Variants in TPRG1 observed in about 807,000 individuals in gnomAD.
The protein encoded by TPRG1 is tumor protein p63 regulated 1, also known as tumor protein p63-regulated gene 1 protein.
A neutral mutation model predicts 29.3 loss-of-function variants in TPRG1; 29 were observed. The ratio of observed to expected loss-of-function variants is 0.99; its 90% CI spans 0.74 to 1.35. The LOEUF (loss-of-function observed/expected upper bound fraction) is 1.35, where lower values mean the gene tolerates loss of function less well. Among genes scored for constraint, TPRG1 ranks in the 40% most tolerant of loss-of-function variants. The pLI is 0.00. For synonymous variants in TPRG1, 130 were observed against 116.8 expected (o/e 1.11, Z -0.73); for missense variants, 327 against 335.0 (o/e 0.98, Z 0.19).
intron 4 of TPRG1, among the ~76,000 whole-genome samples, chr3:189,270,150 T>C (rs1266381711): frequency 6.6e-6 from 1 of 151,966 alleles, no homozygotes; most frequent in East Asian, 1.9e-4. Flanking sequence ...AAAATTGCTT[T>C]CTGGCTACTT....
At chr3:189,258,336 G>A (rs1457514859) in intron 4 of TPRG1, among the ~76,000 whole-genome samples, 2 of 152,080 alleles carry the variant, frequency 1.3e-5, no homozygotes, top group African/African-American at 2.4e-5. Flanking sequence ...AGCAGAGGGT[G>A]CAGAACAGCT....
intron 4 of TPRG1, among the ~76,000 whole-genome samples, chr3:189,066,134 C>T (rs1288954191): frequency 6.6e-6 from 1 of 152,026 alleles, no homozygotes; most frequent in Admixed American, 6.6e-5. Context: ...AAATGCAAAA[C>T]CTGAATAGAT....
chr3:189,182,137 G>C (rs192356715), intron 1 of TPRG1, among the ~76,000 whole-genome samples: 17 of 152,310 alleles, frequency 1.1e-4, no homozygotes, highest in African/African-American at 4.1e-4. Flanking sequence ...GATTTGGGTG[G>C]AGACACAGAC....
intron 3 of TPRG1, among the ~76,000 whole-genome samples, chr3:189,229,573 A>G (rs2108898750): frequency 6.6e-6 from 1 of 152,342 alleles, no homozygotes; most frequent in Middle Eastern, 3.4e-3. Flanking sequence ...GGACTAAGTA[A>G]ATGATTAAAG....
At chr3:189,176,659 T>C (rs1471234413) in intron 1 of TPRG1, among the ~76,000 whole-genome samples, 1 of 152,140 alleles carries the variant, frequency 6.6e-6, no homozygotes, top group African/African-American at 2.4e-5. Context: ...CTTAAGGATA[T>C]GAAGGAGTCA....
chr3:189,043,620 C>T (rs747406929), intron 4 of TPRG1, among the ~76,000 whole-genome samples: 27 of 152,124 alleles, frequency 1.8e-4, no homozygotes, highest in Non-Finnish European at 3.5e-4. Flanking sequence ...ATTTTTTGGG[C>T]GACAACTCCC....
chr3:189,141,324 G>T (rs1302984080), intron 3 of TPRG1, among the ~76,000 whole-genome samples: 1 of 152,118 alleles, frequency 6.6e-6, no homozygotes, highest in Non-Finnish European at 1.5e-5. Context: ...AGGGCACTTT[G>T]GGAGGTCAGG....
chr3:189,251,017 T>TAATC (rs1223862140), intron 4 of TPRG1, among the ~76,000 whole-genome samples: 1 of 152,086 alleles, frequency 6.6e-6, no homozygotes, highest in Non-Finnish European at 1.5e-5. Context: ...TTTGGATATA[T>TAATC]AATCTTTTAT....
intron 4 of TPRG1, among the ~76,000 whole-genome samples, chr3:189,081,571 T>C (rs931207207): frequency 1.3e-5 from 2 of 152,204 alleles, no homozygotes. Flanking sequence ...TATTAAATGA[T>C]ACAGAAAAGT....
At chr3:189,180,258 C>A (rs1317830427) in intron 1 of TPRG1, among the ~76,000 whole-genome samples, 1 of 152,102 alleles carries the variant, frequency 6.6e-6, no homozygotes, top group Non-Finnish European at 1.5e-5. Flanking sequence ...TGGTCGCTCC[C>A]AAATCTCATG....
chr3:189,032,201 G>A (rs956280972), intron 4 of TPRG1, among the ~76,000 whole-genome samples: 15 of 152,220 alleles, frequency 9.9e-5, no homozygotes, highest in Non-Finnish European at 1.9e-4. Flanking sequence ...GGGAGGAGGC[G>A]CAGAGTCAGA....
chr3:189,310,352 A>T, intron 4 of TPRG1, 34 bp from the exon 5 acceptor site: 1 of 1,513,068 alleles, frequency 6.6e-7, no homozygotes, highest in Non-Finnish European at 8.9e-7. Context: ...GGAAATGGAA[A>T]TGACTAATCT....
intron 1 of TPRG1, among the ~76,000 whole-genome samples, chr3:189,103,871 G>A (rs752177190): frequency 2.6e-5 from 4 of 151,998 alleles, no homozygotes; most frequent in African/African-American, 7.3e-5. Flanking sequence ...CAAAAATCAC[G>A]GCCCATCACA....
At position 189,138,299 on chromosome 3, in the gene TPRG1, A is replaced by G. The variant is rs142001636; in HGVS notation, c.-291+5602A>G. Among the ~76,000 whole-genome samples the G allele has an allele frequency of 1.4e-3, 212 of 152,336 alleles. 2 individuals are homozygous for G. The Middle Eastern group carries it at 0.024, about 17-fold the overall frequency. On this transcript the variant is annotated intron_variant, in intron 3 of 6. Coordinates refer to the TPRG1 transcript ENST00000412373. ...GTTTTCAGGGAGTATTTGAGGAGAC[A>G]CTGGTTGTTTTTCTGGTAACAACAC...
chr3:189,206,216 A>G (rs1734345717), intron 1 of TPRG1, among the ~76,000 whole-genome samples: 1 of 148,758 alleles, frequency 6.7e-6, no homozygotes, highest in South Asian at 2.1e-4. Flanking sequence ...ATATTTTTTA[A>G]CTTACTTTTT....
chr3:189,088,080 A>G (rs1578324034), intron 4 of TPRG1, among the ~76,000 whole-genome samples: 1 of 152,352 alleles, frequency 6.6e-6, no homozygotes, highest in Non-Finnish European at 1.5e-5. Context: ...TTGAATCTAT[A>G]AATTACCTTT....
At chr3:189,112,949 C>A (rs1279350805) in intron 1 of TPRG1, among the ~76,000 whole-genome samples, 1 of 152,144 alleles carries the variant, frequency 6.6e-6, no homozygotes, top group Non-Finnish European at 1.5e-5. Context: ...GGCATTGAAT[C>A]TATAAATTAC....
chr3:189,310,776 G>A (rs1343107384), intron 5 of TPRG1, among the ~76,000 whole-genome samples: 2 of 152,076 alleles, frequency 1.3e-5, no homozygotes, highest in East Asian at 3.9e-4. Flanking sequence ...ATAACATGCT[G>A]CTTTCCGCTT....
chr3:189,250,412 T>G (rs1245201643), intron 4 of TPRG1, among the ~76,000 whole-genome samples: 1 of 150,544 alleles, frequency 6.6e-6, no homozygotes, highest in Non-Finnish European at 1.5e-5. Flanking sequence ...TCTGCTTCAT[T>G]AACAGTCTTA....
Sources: allele counts gnomAD v4.1 joint callset (sites outside exome capture counted in the v4.1 genomes callset), GRCh38; gene constraint gnomAD v4.1.1; transcripts MANE v1.5; gene names NCBI Gene and HGNC (gene_info 2026-07-23, HGNC 2026-07-21).